The following DIAPH3 variants were observed in gnomAD, a reference collection of about 807,000 sequenced individuals.
DIAPH3 encodes diaphanous related formin 3, also known as protein diaphanous homolog 3.
In DIAPH3, 117 loss-of-function variants were observed where a neutral mutation model predicts 144.3. The ratio of observed to expected loss-of-function variants is 0.81; its 90% confidence interval spans 0.70 to 0.95. The LOEUF is 0.95. Among genes scored for constraint, DIAPH3 ranks in the 40% least tolerant of loss-of-function variants. The pLI is 0.00. For missense variants in DIAPH3, 1,421 were observed against 1,412.7 expected, an observed-to-expected ratio of 1.01 and a Z score of -0.09; for synonymous variants, 519 against 488.9, an observed-to-expected ratio of 1.06 and a Z score of -0.81.
At chr13:59,930,200 A>T (rs905073268) in intron 17 of DIAPH3, among the ~76,000 whole-genome samples, 2 of 152,180 alleles carry the variant, frequency 1.3e-5, no homozygotes, top group Non-Finnish European at 2.9e-5. Flanking sequence ...TTTCATTCAG[A>T]TAAAAAAAAT....
chr13:59,716,361 G>A lies in DIAPH3; in HGVS notation c.3320-49515C>T, dbSNP rs545774052. 2.0e-4 allele frequency among the ~76,000 whole-genome samples: 31 copies of A among 152,262 alleles called. No homozygotes were observed. In the South Asian group the frequency reaches 5.6e-3, roughly 27 times the overall value. ...CGGCTAATTTTTTGTATTTTTAGTA[G>A]AGACGGGGTTTCACCATGTTAGCCA... On this transcript the variant is annotated intron_variant, in intron 27 of 27. Coordinates refer to ENST00000400324, the MANE Select transcript of DIAPH3 (RefSeq NM_001042517.2).
At chr13:59,941,543 C>T (rs531403205) in intron 17 of DIAPH3, among the ~76,000 whole-genome samples, 14 of 152,204 alleles carry the variant, frequency 9.2e-5, no homozygotes, top group South Asian at 8.3e-4. Flanking sequence ...ACAGGAAGAC[C>T]GCCTCACAGA....
chr13:59,798,736 C>G (rs528334661), intron 25 of DIAPH3, among the ~76,000 whole-genome samples: 24 of 152,296 alleles, frequency 1.6e-4, no homozygotes, highest in Non-Finnish European at 2.6e-4. Flanking sequence ...AGGCTCTGAA[C>G]AGAAAAGATG....
At chr13:59,810,661 T>C in intron 25 of DIAPH3, 127 bp downstream of exon 25, 1 of 1,031,064 alleles carries the variant, frequency 9.7e-7, no homozygotes, top group Non-Finnish European at 1.4e-6. Flanking sequence ...AGAATTGTTC[T>C]ATGGTTTAAT....
intron 27 of DIAPH3, among the ~76,000 whole-genome samples, chr13:59,716,330 C>T (rs377390037): frequency 8.4e-4 from 128 of 152,276 alleles, no homozygotes; most frequent in African/African-American, 2.8e-3. Context: ...CGCCCGCCAC[C>T]ACGCCCGGCT....
chr13:59,674,564 T>C (rs759413288), intron 27 of DIAPH3, among the ~76,000 whole-genome samples: 3 of 152,230 alleles, frequency 2.0e-5, no homozygotes, highest in Admixed American at 2.0e-4. Context: ...TTGGCCCTCT[T>C]TTCTGCCCTT....
chr13:59,753,498 C>A (rs1033361626), intron 27 of DIAPH3, among the ~76,000 whole-genome samples: 5 of 152,096 alleles, frequency 3.3e-5, no homozygotes, highest in African/African-American at 7.2e-5. Context: ...TGAGCAGTAG[C>A]AGTATTGAGA....
chr13:59,937,274 C>T (rs1437431470), intron 17 of DIAPH3, among the ~76,000 whole-genome samples: 3 of 151,908 alleles, frequency 2.0e-5, no homozygotes, highest in African/African-American at 7.3e-5. Flanking sequence ...ATTACAAAAC[C>T]AACTCTGAAA....
intron 4 of DIAPH3, among the ~76,000 whole-genome samples, chr13:60,075,828 T>C (rs1021856777): frequency 6.6e-6 from 1 of 152,204 alleles, no homozygotes; most frequent in African/African-American, 2.4e-5. Context: ...CAAGCATCAC[T>C]GTTATACTCT....
At chr13:60,088,398 C>CCT (rs1271681204) in intron 4 of DIAPH3, among the ~76,000 whole-genome samples, 2 of 152,082 alleles carry the variant, frequency 1.3e-5, no homozygotes. Context: ...TCAAACTTGT[C>CCT]CTCCTTCCCT....
At chr13:59,763,232 G>A (rs1011785367) in intron 27 of DIAPH3, among the ~76,000 whole-genome samples, 2 of 151,114 alleles carry the variant, frequency 1.3e-5, no homozygotes, top group Admixed American at 6.6e-5. Flanking sequence ...ATACATGTGT[G>A]TATATATATA....
chr13:60,003,995 A>G (rs1293674037), intron 9 of DIAPH3, among the ~76,000 whole-genome samples: 1 of 152,182 alleles, frequency 6.6e-6, no homozygotes, highest in Non-Finnish European at 1.5e-5. Context: ...ATAATCATAA[A>G]CAAATTATCA....
intron 11 of DIAPH3, 82 bp downstream of exon 11, chr13:59,991,986 A>T: frequency 9.6e-7 from 1 of 1,045,680 alleles, no homozygotes; most frequent in Non-Finnish European, 1.5e-6. Context: ...TATAGAAATG[A>T]GCTAAATATT....
At chr13:59,835,818 A>C (rs1193630799) in intron 23 of DIAPH3, among the ~76,000 whole-genome samples, 1 of 151,772 alleles carries the variant, frequency 6.6e-6, no homozygotes, top group Non-Finnish European at 1.5e-5. Context: ...TCAAAGTTCA[A>C]CATACTAAAT....
At chr13:59,725,392 G>A (rs1029179461) in intron 27 of DIAPH3, among the ~76,000 whole-genome samples, 1 of 152,166 alleles carries the variant, frequency 6.6e-6, no homozygotes, top group Non-Finnish European at 1.5e-5. Flanking sequence ...GGTCCAGACT[G>A]GCATGAATTA....
At chr13:59,894,244 A>T (rs1045017911) in intron 20 of DIAPH3, among the ~76,000 whole-genome samples, 1 of 152,120 alleles carries the variant, frequency 6.6e-6, no homozygotes, top group Non-Finnish European at 1.5e-5. Flanking sequence ...AGATACTAAA[A>T]TGTGGGAAGA....
rs2037552973 is a variant in DIAPH3 at position 59,761,037 on chromosome 13, T to G, written c.3319+13152A>C. Among the ~76,000 whole-genome samples, 3 of 152,216 alleles carry G rather than the reference T, an allele frequency of 2.0e-5. No individual in the cohort carries two copies. The South Asian group carries it at 6.2e-4, about 32-fold the overall frequency. On this transcript the variant is annotated intron_variant, in intron 27 of 27. Coordinates refer to ENST00000400324, the MANE Select transcript of DIAPH3 (RefSeq NM_001042517.2). Reference sequence around the variant, plus strand: ...ACATCACAATAAAGTACATCATGGCTAACACTAATAATTTCTAATTTACTT... The same window carrying G: ...ACATCACAATAAAGTACATCATGGCGAACACTAATAATTTCTAATTTACTT...
At chr13:60,089,122 T>G (rs1034596016) in intron 4 of DIAPH3, among the ~76,000 whole-genome samples, 1 of 152,154 alleles carries the variant, frequency 6.6e-6, no homozygotes, top group African/African-American at 2.4e-5. Flanking sequence ...CAGCTCACCT[T>G]TAACACAACT....
chr13:59,751,914 C>T (rs946564755), intron 27 of DIAPH3, among the ~76,000 whole-genome samples: 1 of 152,174 alleles, frequency 6.6e-6, no homozygotes, highest in Non-Finnish European at 1.5e-5. Context: ...CACTCATAGT[C>T]ATGTAAAACA....
Sources: gnomAD v4.1 joint callset for allele counts (sites outside exome capture counted in the v4.1 genomes callset) on GRCh38, gnomAD v4.1.1 for gene constraint, MANE v1.5 for transcripts, NCBI Gene and HGNC (gene_info 2026-07-23, HGNC 2026-07-21) for gene names.